DTX4: variants seen among roughly 807,000 people sequenced by gnomAD.
The protein encoded by DTX4 is deltex E3 ubiquitin ligase 4, also known as E3 ubiquitin-protein ligase DTX4.
DTX4 carries 28 observed loss-of-function variants against 57.6 expected under a neutral mutation model. The ratio of observed to expected loss-of-function variants is 0.49; its 90% CI spans 0.36 to 0.67. DTX4 has a LOEUF of 0.67. Among genes scored for constraint, DTX4 ranks in the 30% least tolerant of loss-of-function variants. DTX4 has a pLI of 0.00. For missense variants in DTX4, 715 were observed against 836.8 expected (o/e 0.85, Z 1.80); for synonymous variants, 316 against 331.0 (o/e 0.95, Z 0.49).
chr11:59,200,653 T>C (rs1862730002), intron 8 of DTX4, among the ~76,000 whole-genome samples: 1 of 152,218 alleles, frequency 6.6e-6, no homozygotes. Flanking sequence ...AAAACAATCA[T>C]TGGGTTTCTG....
chr11:59,176,965 T>C (rs1419535431), intron 1 of DTX4, among the ~76,000 whole-genome samples: 1 of 152,188 alleles, frequency 6.6e-6, no homozygotes, highest in African/African-American at 2.4e-5. Context: ...GTCTATTGTC[T>C]CAACACTTTG....
chr11:59,178,843 G>A (rs977908323), intron 1 of DTX4, among the ~76,000 whole-genome samples: 2 of 152,160 alleles, frequency 1.3e-5, no homozygotes, highest in African/African-American at 4.8e-5. Context: ...CAGTAGAAGG[G>A]ACCTAGCGAA....
intron 2 of DTX4, among the ~76,000 whole-genome samples, chr11:59,186,664 A>G (rs981414645): frequency 5.9e-5 from 9 of 152,186 alleles, no homozygotes; most frequent in African/African-American, 2.2e-4. Flanking sequence ...CAGATGGGGA[A>G]ATTGAGGCTC....
In DTX4 at chr11:59,195,338, G is replaced by A. The variant is rs750073710; in HGVS notation, c.1505G>A (p.Arg502Gln). ...LPGHPDCKTI[R>Q]IIYSIPPGIQ... ...GGCCACCCAGACTGCAAAACCATCCGGATCATCTACAGCATCCCCCCCGGC... is the reference window on the plus strand; with the variant it reads ...GGCCACCCAGACTGCAAAACCATCCAGATCATCTACAGCATCCCCCCCGGC... The change falls in exon 7 of 9, where the codon CGG becomes CAG. Residue 502 changes from arginine to glutamine, a missense_variant. Physicochemically the swap from Arg to Gln is conservative, Grantham distance 43. Transcript: ENST00000227451. 22 of 1,613,372 alleles carry A rather than the reference G, an allele frequency of 1.4e-5. No homozygotes were observed. Among genetic ancestry groups the A allele is most frequent in the Admixed American group, 5.0e-5 (3 of 59,982 alleles).
At chr11:59,176,024 C>G (rs1862391620) in intron 1 of DTX4, among the ~76,000 whole-genome samples, 1 of 152,036 alleles carries the variant, frequency 6.6e-6, no homozygotes, top group South Asian at 2.1e-4. Context: ...CTGATAAGCA[C>G]AGGGTAAAGG....
In DTX4 at chr11:59,181,987, C is replaced by A; in HGVS notation, c.460C>A (p.Arg154Ser). Reference sequence around the variant, plus strand: ...TCAGACCCAGCGCCAACGCCGCGTCCGCCGGCGCCTCGACCTCATCTACCC... The same window carrying A: ...TCAGACCCAGCGCCAACGCCGCGTCAGCCGGCGCCTCGACCTCATCTACCC... The part of the protein sequence containing the change: ...NRQTQRQRRV[R>S]RRLDLIYPMV... The change falls in exon 2 of 9, where the codon CGC (arginine) becomes AGC (serine). Residue 154 changes from arginine (R) to serine (S), a missense_variant. Coordinates refer to ENST00000227451, the MANE Select transcript of DTX4 (RefSeq NM_015177.2). The A allele has an allele frequency of 2.5e-6, 4 of 1,613,938 alleles. No individual in the cohort carries two copies. Among genetic ancestry groups the A allele is most frequent in the Non-Finnish European group, 3.4e-6 (4 of 1,179,876 alleles).
chr11:59,171,496 A>G (rs1023063516), upstream of DTX4: 1 of 152,234 alleles, frequency 6.6e-6, no homozygotes, highest in Admixed American at 6.5e-5. Flanking sequence ...TACGTAGGTA[A>G]TATAAATCCA....
intron 2 of DTX4, among the ~76,000 whole-genome samples, chr11:59,183,060 C>T (rs1482921506): frequency 6.6e-6 from 1 of 152,176 alleles, no homozygotes; most frequent in African/African-American, 2.4e-5. Flanking sequence ...GGCAAGTAGG[C>T]ATTATCCCCA....
intron 1 of DTX4, among the ~76,000 whole-genome samples, chr11:59,181,492 T>C (rs1262227349): frequency 6.6e-6 from 1 of 152,206 alleles, no homozygotes; most frequent in East Asian, 1.9e-4. Flanking sequence ...TTCTGCTACC[T>C]TACCTTATAC....
chr11:59,189,991 A>G (rs1007072697), intron 4 of DTX4, among the ~76,000 whole-genome samples: 4 of 152,190 alleles, frequency 2.6e-5, no homozygotes, highest in Admixed American at 1.3e-4. Context: ...CTAAGCCCCA[A>G]TCTTGCAGGC....
In DTX4 at chr11:59,189,223, G is replaced by A; in HGVS notation, c.1059G>A (p.Lys353=). ...GLPVCLTRPP[K]LVLHPPPVSK... ...CTGTGTGTCTCACCAGGCCACCAAA[G>A]CTGGTCCTACACCCACCCCCCGTCA... is the stretch of plus-strand genomic sequence containing the variant. The change falls in exon 4 of 9, where the codon AAG becomes AAA. Residue 353 remains lysine, a synonymous_variant. Coordinates refer to ENST00000227451, the MANE Select transcript of DTX4 (RefSeq NM_015177.2). The A allele has an allele frequency of 1.2e-6, 2 of 1,613,548 alleles. No individual in the cohort carries two copies. Among genetic ancestry groups the A allele is most frequent in the South Asian group, 2.2e-5 (2 of 90,942 alleles).
chr11:59,194,752 C>T (rs901674949), intron 6 of DTX4: 2 of 185,238 alleles, frequency 1.1e-5, no homozygotes, highest in African/African-American at 2.4e-5. Context: ...TTATGCTTTG[C>T]AGCTTCCCAG....
chr11:59,187,773 GCCGCGC>G (rs1043186447), intron 2 of DTX4, among the ~76,000 whole-genome samples: 2 of 152,230 alleles, frequency 1.3e-5, no homozygotes, highest in African/African-American at 4.8e-5. Flanking sequence ...CTGTGGGAGG[GCCGCGC>G]CTTTCCCAGG....
chr11:59,186,618 C>T (rs1862532380), intron 2 of DTX4, among the ~76,000 whole-genome samples: 1 of 152,198 alleles, frequency 6.6e-6, no homozygotes, highest in Non-Finnish European at 1.5e-5. Context: ...AGCCAGTTTC[C>T]GTAGCGTCTT....
At chr11:59,187,606 C>T (rs868594090) in intron 2 of DTX4, among the ~76,000 whole-genome samples, 2 of 152,222 alleles carry the variant, frequency 1.3e-5, no homozygotes, top group South Asian at 4.1e-4. Flanking sequence ...ACCATCCTGC[C>T]CCCACAGCAG....
upstream of DTX4, among the ~76,000 whole-genome samples, chr11:59,171,711 G>C (rs1862325545): frequency 6.6e-6 from 1 of 152,182 alleles, no homozygotes; most frequent in Non-Finnish European, 1.5e-5. Flanking sequence ...GCCGGGGCAA[G>C]GAAGGAGTTG....
intron 2 of DTX4, 116 bp from the exon 3 acceptor site, chr11:59,188,619 G>A: frequency 1.2e-6 from 1 of 818,150 alleles, no homozygotes; most frequent in South Asian, 1.6e-5. Flanking sequence ...TTTTGAAGAT[G>A]TCACTTCCTG....
chr11:59,172,835 G>T (rs115705463), intron 1 of DTX4, 29 bp downstream of exon 1: 4 of 1,486,042 alleles, frequency 2.7e-6, no homozygotes, highest in Non-Finnish European at 9.0e-7. Context: ...ACCCCGCCCC[G>T]CCTGCTCCCA....
intron 1 of DTX4, among the ~76,000 whole-genome samples, chr11:59,177,722 G>T (rs925481766): frequency 6.6e-6 from 1 of 152,052 alleles, no homozygotes. Context: ...TAGCCTTGAG[G>T]TCCCTTCTTC....
Sources: gnomAD v4.1 joint callset for allele counts (sites outside exome capture counted in the v4.1 genomes callset) on GRCh38, gnomAD v4.1.1 for gene constraint, MANE v1.5 for transcripts, NCBI Gene and HGNC (gene_info 2026-07-23, HGNC 2026-07-21) for gene names.